Variants in XIRP2 observed in about 807,000 individuals in gnomAD.
XIRP2 encodes xin actin binding repeat containing 2, also known as xin actin-binding repeat-containing protein 2.
XIRP2 carries 236 observed loss-of-function variants against 277.0 expected under a neutral mutation model. The ratio of observed to expected loss-of-function variants is 0.85; its 90% confidence interval spans 0.77 to 0.95. The LOEUF is 0.95. Among genes scored for constraint, XIRP2 ranks in the 40% least tolerant of loss-of-function variants. XIRP2 has a pLI of 0.00. For synonymous variants in XIRP2, 1,490 were observed against 1,416.5 expected, an observed-to-expected ratio of 1.05 and a Z score of -1.17; for missense variants, 4,640 against 4,157.5, an observed-to-expected ratio of 1.12 and a Z score of -3.19.
chr2:167,007,472 A>T (rs1687534069), intron 2 of XIRP2, among the ~76,000 whole-genome samples: 1 of 151,604 alleles, frequency 6.6e-6, no homozygotes, highest in Admixed American at 6.6e-5. Context: ...ATAATCTATA[A>T]TTTTTCAAAT....
chr2:166,939,852 C>T (rs1390330024), intron 2 of XIRP2, among the ~76,000 whole-genome samples: 9 of 152,228 alleles, frequency 5.9e-5, no homozygotes, highest in Middle Eastern at 6.8e-3. Context: ...GTGGGTAACC[C>T]GACCTTTCTC....
At chr2:166,947,596 A>G (rs1038726026) in intron 2 of XIRP2, among the ~76,000 whole-genome samples, 5 of 151,880 alleles carry the variant, frequency 3.3e-5, no homozygotes, top group Admixed American at 2.6e-4. Context: ...CCACACACAC[A>G]TTTTAGTGTG....
rs1195037489 is a variant in XIRP2 at position 167,240,762 on chromosome 2, A to ATTG, written c.1042+26_1042+27insTTG. The ATTG allele has an allele frequency of 3.8e-6, 6 of 1,590,786 alleles. No homozygotes were observed. The Admixed American group carries it at 1.0e-4, about 27-fold the overall frequency. On this transcript the variant is annotated intron_variant, in intron 7 of 10. Transcript: ENST00000409195. The stretch of plus-strand genomic sequence containing the variant: ...GTAAGAGTCTGGTATTATTGGTTCC[A>ATTG]ATACTCCTTTCTCCTATTGATGTGT...
intron 3 of XIRP2, among the ~76,000 whole-genome samples, chr2:167,139,061 T>C (rs1338346517): frequency 6.7e-6 from 1 of 150,194 alleles, no homozygotes; most frequent in Non-Finnish European, 1.5e-5. Flanking sequence ...AGCGAGACTC[T>C]GTCTCAAAAA....
chr2:167,241,630 A>T, intron 7 of XIRP2, 147 bp from the exon 8 acceptor site: 1 of 827,270 alleles, frequency 1.2e-6, no homozygotes. Flanking sequence ...GGCTGGTCTC[A>T]CACCCTTGGG....
chr2:166,905,436 T>G (rs1684491297), intron 2 of XIRP2, among the ~76,000 whole-genome samples: 1 of 151,958 alleles, frequency 6.6e-6, no homozygotes, highest in South Asian at 2.1e-4. Flanking sequence ...ATTAATGAGT[T>G]TCTGATTTAA....
intron 2 of XIRP2, among the ~76,000 whole-genome samples, chr2:167,098,980 G>T (rs1426615908): frequency 6.6e-6 from 1 of 152,102 alleles, no homozygotes; most frequent in Non-Finnish European, 1.5e-5. Flanking sequence ...GGTGTCTGTC[G>T]ACCCCTGCTA....
intron 3 of XIRP2, among the ~76,000 whole-genome samples, chr2:167,196,427 T>C: frequency 6.6e-6 from 1 of 151,192 alleles, no homozygotes; most frequent in African/African-American, 2.4e-5. Context: ...TGTGTGTGTG[T>C]GTGTGTGTGT....
At chr2:167,181,644 A>G (rs1693012088) in intron 3 of XIRP2, among the ~76,000 whole-genome samples, 1 of 152,154 alleles carries the variant, frequency 6.6e-6, no homozygotes, top group Non-Finnish European at 1.5e-5. Context: ...TTCCTCCAGA[A>G]CAAATATCAT....
At chr2:167,134,363 A>G (rs1211423018) in intron 2 of XIRP2, among the ~76,000 whole-genome samples, 2 of 151,788 alleles carry the variant, frequency 1.3e-5, no homozygotes, top group Non-Finnish European at 2.9e-5. Flanking sequence ...ATGTATATAT[A>G]TATTTACATG....
intron 2 of XIRP2, among the ~76,000 whole-genome samples, chr2:166,965,455 T>C (rs1686405617): frequency 6.6e-6 from 1 of 151,922 alleles, no homozygotes; most frequent in South Asian, 2.1e-4. Flanking sequence ...TATTTATAGG[T>C]GATCATGAAT....
intron 3 of XIRP2, among the ~76,000 whole-genome samples, chr2:167,197,204 T>C (rs1693545891): frequency 6.6e-6 from 1 of 152,200 alleles, no homozygotes; most frequent in South Asian, 2.1e-4. Context: ...TTTTTGCTCC[T>C]TCCTGGAAGC....
In XIRP2 at chr2:167,250,069, C is replaced by G. The variant is rs538439730; in HGVS notation, c.8677C>G (p.Leu2893Val). The change falls in exon 9 of 11, where the codon CTG (leucine) becomes GTG (valine). Residue 2893 changes from leucine to valine, a missense_variant. Coordinates refer to ENST00000409195, the MANE Select transcript of XIRP2 (RefSeq NM_152381.6). ...AAAATTGCCCCAGCCATATAATAGT[C>G]TGCAGGAAGAAAAATGTCTCGAAGT... ...HKKLPQPYNS[L>V]QEEKCLEVKG... 6.2e-7 allele frequency: 1 copy of G among 1,613,424 alleles called. No individual in the cohort carries two copies. The highest frequency in any genetic ancestry group is 1.3e-5 in the African/African-American group (1 of 74,840).
intron 2 of XIRP2, among the ~76,000 whole-genome samples, chr2:166,952,711 C>T (rs1314423308): frequency 6.6e-6 from 1 of 151,854 alleles, no homozygotes; most frequent in Admixed American, 6.6e-5. Context: ...AATTTATGCT[C>T]ATCTTTACTC....
chr2:167,146,808 G>T (rs1155285), intron 3 of XIRP2, among the ~76,000 whole-genome samples: 1 of 151,730 alleles, frequency 6.6e-6, no homozygotes, highest in Admixed American at 6.6e-5. Flanking sequence ...GTCTATACCT[G>T]TAGACAAAAG....
At position 167,241,807 on chromosome 2, in the gene XIRP2, C is replaced by T. The variant is rs1695077033; in HGVS notation, c.1073C>T (p.Pro358Leu). Reference sequence around the variant, plus strand: ...GATACACCTGAGGATGAAGAGATTCCAAAGGTTTCGACTAAGTTGTTAAAA... The same window carrying T: ...GATACACCTGAGGATGAAGAGATTCTAAAGGTTTCGACTAAGTTGTTAAAA... ...VIDTPEDEEI[P>L]KVSTKLLKEQ... The change falls in exon 8 of 11, where the codon CCA becomes CTA. Residue 358 changes from proline to leucine, a missense_variant. Coordinates refer to ENST00000409195, the MANE Select transcript of XIRP2 (RefSeq NM_152381.6). 6.2e-7 allele frequency: 1 copy of T among 1,612,882 alleles called. No homozygotes were observed. Among genetic ancestry groups the T allele is most frequent in the Non-Finnish European group, 8.5e-7 (1 of 1,179,448 alleles).
intron 3 of XIRP2, among the ~76,000 whole-genome samples, chr2:167,173,310 C>A (rs189097444): frequency 6.6e-6 from 1 of 152,232 alleles, no homozygotes; most frequent in Admixed American, 6.5e-5. Flanking sequence ...GATAACCATC[C>A]TTTTACCGTC....
chr2:167,148,813 T>C (rs927221584), intron 3 of XIRP2, among the ~76,000 whole-genome samples: 1 of 151,936 alleles, frequency 6.6e-6, no homozygotes. Context: ...AAATAAAGAA[T>C]AATCTTTTAA....
chr2:167,093,766 G>T (rs374846556), intron 2 of XIRP2, among the ~76,000 whole-genome samples: 4 of 152,158 alleles, frequency 2.6e-5, no homozygotes, highest in Admixed American at 6.5e-5. Context: ...GAATAGGACC[G>T]CAATAAACAT....
Sources: gnomAD v4.1 joint callset for allele counts (sites outside exome capture counted in the v4.1 genomes callset) on GRCh38, gnomAD v4.1.1 for gene constraint, MANE v1.5 for transcripts, NCBI Gene and HGNC (gene_info 2026-07-23, HGNC 2026-07-21) for gene names.